Variants in ROBO2 observed in about 807,000 individuals in gnomAD.
ROBO2 encodes roundabout guidance receptor 2.
Under a neutral mutation model 160.8 loss-of-function variants are expected in ROBO2, and 53 were observed. The observed-to-expected ratio is 0.33, with a 90% CI of 0.26 to 0.41. The LOEUF (loss-of-function observed/expected upper bound fraction) is 0.41, where lower values mean the gene tolerates loss of function less well. ROBO2 is among the 10% of genes least tolerant of loss of function. ROBO2 has a pLI of 1.00. For missense variants in ROBO2, 1,577 were observed against 1,722.4 expected (o/e 0.92, Z 1.49); for synonymous variants, 664 against 611.7 (o/e 1.09, Z -1.26).
At chr3:77,239,237 T>C (rs1234674013) in intron 2 of ROBO2, among the ~76,000 whole-genome samples, 1 of 152,212 alleles carries the variant, frequency 6.6e-6, no homozygotes, top group Non-Finnish European at 1.5e-5. Flanking sequence ...GTTGGGTTCG[T>C]GGTCTCGCTG....
intron 2 of ROBO2, among the ~76,000 whole-genome samples, chr3:76,840,443 ACT>A (rs2068117021): frequency 6.6e-6 from 1 of 151,270 alleles, no homozygotes; most frequent in Non-Finnish European, 1.5e-5. Context: ...CCCCGTCTCT[ACT>A]AAAAATACAA....
chr3:76,912,848 C>T (rs181325798), intron 2 of ROBO2, among the ~76,000 whole-genome samples: 31 of 151,958 alleles, frequency 2.0e-4, no homozygotes, highest in Middle Eastern at 3.4e-3. Context: ...CTATTAATGA[C>T]GAATTACTAC....
At chr3:77,219,487 C>CTG (rs1553852768) in intron 2 of ROBO2, among the ~76,000 whole-genome samples, 3 of 73,096 alleles carry the variant, frequency 4.1e-5, no homozygotes, top group Admixed American at 1.4e-4. Context: ...TATATATAAT[C>CTG]TGTATATATA....
Position 76,860,927 on chromosome 3 carries a change from T to C in ROBO2, c.110-237087T>C, listed in dbSNP as rs576602274. Among the ~76,000 whole-genome samples, 3 of 152,236 alleles carry C rather than the reference T, an allele frequency of 2.0e-5. No homozygotes were observed. In the South Asian group the frequency reaches 6.2e-4, roughly 32 times the overall value. On this transcript the variant is annotated intron_variant, in intron 2 of 26. Transcript: ENST00000487694. ...TGCGTGTGTGTGTATGTGTGTTTGA[T>C]AAAAGGAAAGCATGAGCTTTCTCTT...
chr3:76,756,737 G>GT (rs2060993979), intron 2 of ROBO2, among the ~76,000 whole-genome samples: 1 of 151,822 alleles, frequency 6.6e-6, no homozygotes, highest in Non-Finnish European at 1.5e-5. Context: ...CTGTCAATCT[G>GT]TTACCAGGAA....
chr3:76,602,109 A>T, intron 2 of ROBO2, among the ~76,000 whole-genome samples: 1 of 152,194 alleles, frequency 6.6e-6, no homozygotes, highest in East Asian at 1.9e-4. Flanking sequence ...TCCATCTGAG[A>T]CTACCTCAGC....
chr3:77,001,110 G>A (rs920689178), intron 2 of ROBO2, among the ~76,000 whole-genome samples: 14 of 152,230 alleles, frequency 9.2e-5, no homozygotes, highest in African/African-American at 3.1e-4. Context: ...GAACAAAGAA[G>A]CAACAGTATA....
intron 2 of ROBO2, among the ~76,000 whole-genome samples, chr3:76,536,051 A>G (rs138706570): frequency 1.2e-3 from 178 of 152,236 alleles, no homozygotes; most frequent in African/African-American, 4.1e-3. Context: ...GACATGGCTT[A>G]GGAGGAATCA....
At chr3:76,328,728 C>CG (rs1482280399) in intron 2 of ROBO2, among the ~76,000 whole-genome samples, 3 of 151,822 alleles carry the variant, frequency 2.0e-5, no homozygotes, top group Non-Finnish European at 2.9e-5. Context: ...GGCGTGGTGG[C>CG]GGCGCCTGTA....
At chr3:77,013,123 T>G (rs750880601) in intron 2 of ROBO2, among the ~76,000 whole-genome samples, 2 of 152,150 alleles carry the variant, frequency 1.3e-5, no homozygotes, top group African/African-American at 2.4e-5. Flanking sequence ...CCTTTTAGCT[T>G]TAAGCATTAG....
intron 2 of ROBO2, among the ~76,000 whole-genome samples, chr3:76,809,752 A>C (rs1407525182): frequency 6.6e-6 from 1 of 152,080 alleles, no homozygotes; most frequent in African/African-American, 2.4e-5. Flanking sequence ...ATTTTAAAGG[A>C]GGCATTCTTT....
chr3:76,447,809 G>T (rs1393340950), intron 2 of ROBO2, among the ~76,000 whole-genome samples: 1 of 146,250 alleles, frequency 6.8e-6, no homozygotes, highest in East Asian at 2.0e-4. Flanking sequence ...ACCAAGCACT[G>T]CATTTTCTCA....
chr3:77,219,480 AT>A (rs1172347571), intron 2 of ROBO2, among the ~76,000 whole-genome samples: 37 of 131,082 alleles, frequency 2.8e-4, no homozygotes, highest in Middle Eastern at 4.3e-3. Context: ...ATATATATAT[AT>A]ATAATCTGTA....
chr3:76,943,684 C>T (rs1176806036), intron 2 of ROBO2, among the ~76,000 whole-genome samples: 2 of 152,162 alleles, frequency 1.3e-5, no homozygotes, highest in African/African-American at 2.4e-5. Flanking sequence ...AACAGAAAAG[C>T]CACTGTTTGT....
intron 2 of ROBO2, among the ~76,000 whole-genome samples, chr3:76,431,148 T>C (rs542722138): frequency 6.6e-6 from 1 of 152,230 alleles, no homozygotes; most frequent in African/African-American, 2.4e-5. Flanking sequence ...CATAAAAAGA[T>C]AAACCATTGC....
intron 2 of ROBO2, among the ~76,000 whole-genome samples, chr3:77,289,723 A>G (rs1474091504): frequency 6.6e-6 from 1 of 152,150 alleles, no homozygotes; most frequent in South Asian, 2.1e-4. Flanking sequence ...TGACGGTTAA[A>G]CGGGTAAGCT....
chr3:76,824,879 G>T, intron 2 of ROBO2, among the ~76,000 whole-genome samples: 1 of 152,224 alleles, frequency 6.6e-6, no homozygotes, highest in East Asian at 1.9e-4. Context: ...CTGTGGCCTC[G>T]GGATAGTATA....
At chr3:76,631,184 A>C (rs2090008150) in intron 2 of ROBO2, among the ~76,000 whole-genome samples, 1 of 152,228 alleles carries the variant, frequency 6.6e-6, no homozygotes, top group African/African-American at 2.4e-5. Context: ...GGAAATATTA[A>C]ATCTAATTTT....
At chr3:77,132,120 A>T (rs1033689847) in intron 2 of ROBO2, among the ~76,000 whole-genome samples, 2 of 152,114 alleles carry the variant, frequency 1.3e-5, no homozygotes, top group Non-Finnish European at 2.9e-5. Flanking sequence ...ATGAGAATTA[A>T]AAGAAGCTTA....
Sources: gnomAD v4.1 joint callset for allele counts (sites outside exome capture counted in the v4.1 genomes callset) on GRCh38, gnomAD v4.1.1 for gene constraint, MANE v1.5 for transcripts, NCBI Gene and HGNC (gene_info 2026-07-23, HGNC 2026-07-21) for gene names.